WNK3: variants seen among roughly 807,000 people sequenced by gnomAD.
WNK3 encodes serine/threonine-protein kinase WNK3.
In WNK3, 18 loss-of-function variants were observed where a neutral mutation model predicts 116.7. The ratio of observed to expected loss-of-function variants is 0.15; its 90% CI spans 0.11 to 0.23. The LOEUF (loss-of-function observed/expected upper bound fraction) is 0.23, where lower values mean the gene tolerates loss of function less well. Ranked by LOEUF, WNK3 falls within the 10% of genes least tolerant of loss-of-function variation. The probability of loss-of-function intolerance (pLI) is 1.00; values close to 1 mark genes in which losing one functional copy is unlikely to be tolerated. For synonymous variants in WNK3, 404 were observed against 469.4 expected (o/e 0.86, Z 1.80); for missense variants, 993 against 1,323.8 (o/e 0.75, Z 3.88).
chrX:54,281,197 T>C (rs2068512001), intron 10 of WNK3, among the ~76,000 whole-genome samples: 1 of 111,511 alleles, frequency 9.0e-6, no homozygotes, highest in African/African-American at 3.3e-5. Flanking sequence ...TTAAGATCTC[T>C]TTTAGGGCTG....
At chrX:54,266,466 T>TA (rs1275085114) in intron 10 of WNK3, among the ~76,000 whole-genome samples, 1 of 111,664 alleles carries the variant, frequency 9.0e-6, no homozygotes, top group Non-Finnish European at 1.9e-5. Flanking sequence ...ACACAAAGGA[T>TA]AAATGCTTGA....
intron 22 of WNK3, among the ~76,000 whole-genome samples, chrX:54,211,633 G>A (rs1351575136): frequency 1.8e-5 from 2 of 109,727 alleles, no homozygotes; most frequent in Non-Finnish European, 3.8e-5. Flanking sequence ...GTGAAACATC[G>A]TCTCTACTAA....
At chrX:54,239,078 G>T in exon 18 of WNK3, 1 of 1,180,638 alleles carries the variant, frequency 8.5e-7, no homozygotes. Flanking sequence ...TCCCCTGGAA[G>T]TGAAGCATCT....
At chrX:54,287,568 G>T (rs1189152997) in intron 10 of WNK3, among the ~76,000 whole-genome samples, 1 of 111,753 alleles carries the variant, frequency 8.9e-6, no homozygotes, top group Non-Finnish European at 1.9e-5. Context: ...TTTTATAGTG[G>T]TTATTGACAA....
chrX:54,347,983 A>G (rs1557177930), intron 1 of WNK3, among the ~76,000 whole-genome samples: 5 of 110,675 alleles, frequency 4.5e-5, no homozygotes. Context: ...AAAGGAACAC[A>G]GTACACACCA....
intron 15 of WNK3, among the ~76,000 whole-genome samples, chrX:54,250,829 A>G (rs782004884): frequency 9.0e-6 from 1 of 110,796 alleles, no homozygotes; most frequent in Admixed American, 9.7e-5. Flanking sequence ...CCCCTCCCAG[A>G]CACTCTTTAA....
chrX:54,222,915 A>AATAATAT lies in WNK3; in HGVS notation c.4870+5798_4870+5799insATATTAT, dbSNP rs1491230973. Among the ~76,000 whole-genome samples the AATAATAT allele has an allele frequency of 1.3e-3, 109 of 80,998 alleles. 2 individuals carry two copies. Among genetic ancestry groups the AATAATAT allele is most frequent in the African/African-American group, 5.9e-3 (102 of 17,222 alleles). The allele number at this position is 80,998 out of a possible 115,157, so 70.3% of individuals were successfully genotyped here. On this transcript the variant is annotated intron_variant, in intron 22 of 23. Coordinates refer to ENST00000354646, the Ensembl canonical transcript of WNK3. ...ATAGTATAATAATAATAATAATAAT[A>AATAATAT]ATATATATATATATATATATATATA...
At chrX:54,202,579 T>C (rs940637694) in intron 22 of WNK3, among the ~76,000 whole-genome samples, 1 of 109,336 alleles carries the variant, frequency 9.1e-6, no homozygotes, top group Non-Finnish European at 1.9e-5. Flanking sequence ...TAATCCCAGC[T>C]ACTCGAGAGG....
chrX:54,246,106 CTTTGGA>C (rs1242108755), intron 17 of WNK3, among the ~76,000 whole-genome samples: 2 of 112,119 alleles, frequency 1.8e-5, no homozygotes, highest in South Asian at 3.6e-4. Context: ...CGTTCAGATG[CTTTGGA>C]TATTCTTCCA....
At chrX:54,210,496 A>G (rs1391765009) in intron 22 of WNK3, among the ~76,000 whole-genome samples, 1 of 111,106 alleles carries the variant, frequency 9.0e-6, no homozygotes, top group Admixed American at 9.6e-5. Flanking sequence ...GCACAGTGGC[A>G]CACGCCTATA....
intron 22 of WNK3, among the ~76,000 whole-genome samples, chrX:54,217,759 T>C (rs954465007): frequency 9.0e-6 from 1 of 111,608 alleles, no homozygotes. Flanking sequence ...ACTCCAGCCA[T>C]GGCTCTTTGA....
chrX:54,266,717 T>TTATATA (rs782080677), intron 10 of WNK3, among the ~76,000 whole-genome samples: 18 of 107,894 alleles, frequency 1.7e-4, no homozygotes, highest in African/African-American at 6.0e-4. Flanking sequence ...TTTAATTTAT[T>TTATATA]TATATATATA....
chrX:54,277,700 G>A (rs782085022), intron 10 of WNK3, among the ~76,000 whole-genome samples: 1 of 111,474 alleles, frequency 9.0e-6, no homozygotes, highest in East Asian at 2.8e-4. Context: ...ATCCTCCTAG[G>A]ACAAATAAGT....
At chrX:54,261,820 G>C (rs2068259848) in intron 10 of WNK3, among the ~76,000 whole-genome samples, 1 of 111,684 alleles carries the variant, frequency 9.0e-6, no homozygotes, top group African/African-American at 3.2e-5. Flanking sequence ...TTTGCTATTT[G>C]CAACTATATT....
chrX:54,353,164 A>G (rs1557178764), intron 1 of WNK3, among the ~76,000 whole-genome samples: 3 of 111,854 alleles, frequency 2.7e-5, no homozygotes, highest in Non-Finnish European at 3.8e-5. Flanking sequence ...ACACTTTAAA[A>G]TGGTTAAAAT....
At chrX:54,265,774 T>A (rs1322581292) in intron 10 of WNK3, among the ~76,000 whole-genome samples, 1 of 113,009 alleles carries the variant, frequency 8.8e-6, no homozygotes, top group Non-Finnish European at 1.9e-5. Context: ...CTGGGCACAG[T>A]GGCTCACGCC....
At chrX:54,285,235 C>T (rs1320143061) in intron 10 of WNK3, among the ~76,000 whole-genome samples, 5 of 110,007 alleles carry the variant, frequency 4.5e-5, no homozygotes, top group Admixed American at 3.9e-4. Context: ...GGCAAGACCC[C>T]GTCTCTATAA....
Position 54,236,834 on chromosome X carries a change from C to T in WNK3, c.4628+104G>A, listed in dbSNP as rs911422964. 1.4e-5 allele frequency: 13 copies of T among 949,302 alleles called. No homozygotes were observed. The African/African-American group carries it at 2.2e-4, about 16-fold the overall frequency. The allele number at this position is 949,302 out of a possible 1,213,427, so 78.2% of individuals were successfully genotyped here. A position where few individuals can be genotyped will look rare whatever the true frequency, so the allele number is the denominator to read the frequency against. ...TAGCATTAGCATTCTTTGTAGTTTT[C>T]AATCATTAAAATGTCACCAATCCTA... On this transcript the variant is annotated intron_variant, in intron 20 of 23. Coordinates refer to ENST00000354646, the Ensembl canonical transcript of WNK3.
At chrX:54,260,324 T>C (rs1331566790) in intron 10 of WNK3, among the ~76,000 whole-genome samples, 1 of 112,078 alleles carries the variant, frequency 8.9e-6, no homozygotes, top group South Asian at 3.7e-4. Context: ...TTTCGGCAAA[T>C]AGTGTTTTTG....
Sources: gnomAD v4.1 joint callset for allele counts (sites outside exome capture counted in the v4.1 genomes callset) on GRCh38, gnomAD v4.1.1 for gene constraint, MANE v1.5 for transcripts, NCBI Gene and HGNC (gene_info 2026-07-23, HGNC 2026-07-21) for gene names.